Variants in SLC24A2 observed in about 807,000 individuals in gnomAD.
SLC24A2 encodes solute carrier family 24 member 2.
A neutral mutation model predicts 62.0 loss-of-function variants in SLC24A2; 36 were observed. That is an observed-to-expected ratio of 0.58 (90% CI 0.44 to 0.77). The LOEUF is 0.77. Among genes scored for constraint, SLC24A2 ranks in the 30% least tolerant of loss-of-function variants. SLC24A2 has a pLI of 0.00. For synonymous variants in SLC24A2, 358 were observed against 294.0 expected (o/e 1.22, Z -2.23); for missense variants, 846 against 817.9 (o/e 1.03, Z -0.42).
At chr9:19,760,489 G>T (rs1381909069) in intron 2 of SLC24A2, among the ~76,000 whole-genome samples, 2 of 152,002 alleles carry the variant, frequency 1.3e-5, no homozygotes, top group South Asian at 4.2e-4. Context: ...TCTACATTAG[G>T]TATTTCTCCT....
At chr9:19,947,715 T>C in the SLC24A2 span, among the ~76,000 whole-genome samples, 3 of 144,030 alleles carry the variant, frequency 2.1e-5, no homozygotes, top group Non-Finnish European at 3.0e-5. Context: ...GGCGTGAACC[T>C]GGGAGGCAGA....
intron 5 of SLC24A2, among the ~76,000 whole-genome samples, chr9:19,584,975 A>G (rs1469880643): frequency 1.3e-5 from 2 of 152,156 alleles, no homozygotes; most frequent in Non-Finnish European, 2.9e-5. Flanking sequence ...ATGATTAACG[A>G]CATTTAATTA....
At chr9:19,874,400 C>A in the SLC24A2 span, among the ~76,000 whole-genome samples, 1 of 152,094 alleles carries the variant, frequency 6.6e-6, no homozygotes, top group Non-Finnish European at 1.5e-5. Flanking sequence ...TCTTATTTTT[C>A]ATCTAAATAT....
chr9:20,164,623 C>T, the SLC24A2 span, among the ~76,000 whole-genome samples: 1 of 151,406 alleles, frequency 6.6e-6, no homozygotes. Context: ...ACCCAGCCAT[C>T]CCATTACTGG....
chr9:19,561,789 C>T (rs1228052044), intron 7 of SLC24A2, among the ~76,000 whole-genome samples: 4 of 64,196 alleles, frequency 6.2e-5, no homozygotes, highest in African/African-American at 1.4e-4. Context: ...AAATAGTATA[C>T]TCCCTTTATA....
At chr9:19,803,013 A>C in the SLC24A2 span, among the ~76,000 whole-genome samples, 1 of 152,158 alleles carries the variant, frequency 6.6e-6, no homozygotes, top group Non-Finnish European at 1.5e-5. Context: ...CATGAAGCAG[A>C]GAGTGAGCCC....
At chr9:20,019,565 C>G in the SLC24A2 span, among the ~76,000 whole-genome samples, 1 of 152,080 alleles carries the variant, frequency 6.6e-6, no homozygotes, top group East Asian at 1.9e-4. Context: ...CATACAAAAA[C>G]TAACTCAAGG....
At chr9:20,139,019 C>T in the SLC24A2 span, among the ~76,000 whole-genome samples, 1 of 152,214 alleles carries the variant, frequency 6.6e-6, no homozygotes, top group East Asian at 1.9e-4. Flanking sequence ...CTCATGGTCA[C>T]CCTCCACTTT....
At chr9:19,718,458 A>ATTTTTTTTTTTT (rs58736549) in intron 2 of SLC24A2, among the ~76,000 whole-genome samples, 16 of 99,790 alleles carry the variant, frequency 1.6e-4, no homozygotes, top group Admixed American at 2.2e-4. Flanking sequence ...ATGCCTGGCT[A>ATTTTTTTTTTTT]TTTTTTTTTT....
chr9:19,916,146 C>T, the SLC24A2 span, among the ~76,000 whole-genome samples: 1 of 151,988 alleles, frequency 6.6e-6, no homozygotes, highest in African/African-American at 2.4e-5. Context: ...AACCTGGGAT[C>T]ATATATTGAA....
the SLC24A2 span, among the ~76,000 whole-genome samples, chr9:20,094,807 T>A: frequency 1.1e-4 from 16 of 152,184 alleles, no homozygotes; most frequent in South Asian, 2.1e-4. Context: ...TGTATGATGT[T>A]AATATATATA....
chr9:19,513,186 A>ATATATATG lies in SLC24A2; in HGVS notation c.*2966_*2967insCATATATA, dbSNP rs1832795483. The ATATATATG allele has an allele frequency of 2.2e-5, 3 of 137,182 alleles. No homozygotes were observed. The highest frequency in any genetic ancestry group is 2.3e-4 in the East Asian group (1 of 4,408). 8.5% of individuals were successfully genotyped at this position (137,182 alleles called of 1,614,324 possible). A position where few individuals can be genotyped will look rare whatever the true frequency, so the allele number is the denominator to read the frequency against. On this transcript the variant is annotated 3_prime_UTR_variant, in exon 11 of 11. Transcript: ENST00000341998. ...TATATATATATATATGTATATATATATATATGTATATATTTATATATGTAT... is the reference window on the plus strand; with the variant it reads ...TATATATATATATATGTATATATATATATATATGTATATGTATATATTTATATATGTAT...
At chr9:20,159,319 A>T in the SLC24A2 span, among the ~76,000 whole-genome samples, 2 of 151,684 alleles carry the variant, frequency 1.3e-5, no homozygotes, top group Non-Finnish European at 3.0e-5. Context: ...CATCACGATG[A>T]AATTTTAATA....
the SLC24A2 span, among the ~76,000 whole-genome samples, chr9:20,267,559 C>T: frequency 6.6e-6 from 1 of 152,136 alleles, no homozygotes; most frequent in Non-Finnish European, 1.5e-5. Flanking sequence ...AGAATAGGCG[C>T]TCAGGGAAGA....
the SLC24A2 span, among the ~76,000 whole-genome samples, chr9:19,852,137 A>C: frequency 6.6e-6 from 1 of 152,182 alleles, no homozygotes; most frequent in Admixed American, 6.5e-5. Context: ...TCTTTTGAGA[A>C]GTGTCTATTC....
At chr9:20,084,819 C>G in the SLC24A2 span, among the ~76,000 whole-genome samples, 2 of 151,982 alleles carry the variant, frequency 1.3e-5, no homozygotes, top group Non-Finnish European at 2.9e-5. Flanking sequence ...TGATTATGCT[C>G]AGTTTTGAAA....
intron 7 of SLC24A2, among the ~76,000 whole-genome samples, chr9:19,571,991 C>T (rs948339970): frequency 5.3e-5 from 8 of 151,984 alleles, no homozygotes; most frequent in Non-Finnish European, 8.8e-5. Flanking sequence ...AGCTACTATC[C>T]GGGCGCAGTG....
rs774766865 is a variant in SLC24A2, at chr9:19,509,584, G to C, written c.*6569C>G. 1 of 152,134 alleles carries C rather than the reference G, an allele frequency of 6.6e-6. No individual in the cohort carries two copies. The highest frequency in any genetic ancestry group is 1.5e-5 in the Non-Finnish European group (1 of 68,022). 9.4% of individuals were successfully genotyped at this position (152,134 alleles called of 1,614,324 possible). On this transcript the variant is annotated 3_prime_UTR_variant, in exon 11 of 11. Transcript: ENST00000341998. ...TTAAAAAACCCAAAAGGCATCCATT[G>C]TCCTTCAGTTTTATTCTGATAAGAA...
the SLC24A2 span, among the ~76,000 whole-genome samples, chr9:20,216,291 T>A: frequency 6.6e-6 from 1 of 152,202 alleles, no homozygotes; most frequent in Non-Finnish European, 1.5e-5. Flanking sequence ...TGTCAGAGAT[T>A]AAACTTAATT....
Sources: allele counts gnomAD v4.1 joint callset (sites outside exome capture counted in the v4.1 genomes callset), GRCh38; gene constraint gnomAD v4.1.1; transcripts MANE v1.5; gene names NCBI Gene and HGNC (gene_info 2026-07-23, HGNC 2026-07-21).